The following PIAS2 variants were observed in gnomAD, a reference collection of about 807,000 sequenced individuals.
The protein encoded by PIAS2 is protein inhibitor of activated STAT 2.
A neutral mutation model predicts 69.7 loss-of-function variants in PIAS2; 19 were observed. The observed-to-expected ratio is 0.27, with a 90% confidence interval of 0.19 to 0.40. The LOEUF is 0.40. Among genes scored for constraint, PIAS2 ranks in the 10% least tolerant of loss-of-function variants. The probability of loss-of-function intolerance (pLI) is 1.00; values close to 1 mark genes in which losing one functional copy is unlikely to be tolerated. For synonymous variants in PIAS2, 261 were observed against 263.2 expected (o/e 0.99, Z 0.08); for missense variants, 624 against 757.0 (o/e 0.82, Z 2.06).
chr18:46,894,583 T>C (rs2146048080), intron 1 of PIAS2, among the ~76,000 whole-genome samples: 1 of 152,164 alleles, frequency 6.6e-6, no homozygotes, highest in East Asian at 1.9e-4. Flanking sequence ...ATTAATTGTG[T>C]AAAAAGATAC....
chr18:46,827,026 T>C (rs983013019), intron 11 of PIAS2: 4 of 152,192 alleles, frequency 2.6e-5, no homozygotes, highest in Admixed American at 2.6e-4. Flanking sequence ...ATTCTACTAC[T>C]GAATCATGGT....
rs193250149 is a variant in PIAS2, at chr18:46,833,545, A to T, written c.1202+2812T>A. On this transcript the variant is annotated intron_variant, in intron 9 of 13. Transcript: ENST00000585916. ...CTTATGCCAAAAATGCCTACTTCAT[A>T]AGAGGTTTATTTTTCTCAATTATAC... Among the ~76,000 whole-genome samples, 609 of 152,322 alleles carry T rather than the reference A, an allele frequency of 4.0e-3. 18 individuals are homozygous for T. Among genetic ancestry groups the T allele is most frequent in the Admixed American group, 0.039 (592 of 15,310 alleles).
At chr18:46,818,323 T>C in intron 12 of PIAS2, 2 of 1,447,090 alleles carry the variant, frequency 1.4e-6, no homozygotes, top group South Asian at 3.3e-5. Flanking sequence ...TATTTTTCCT[T>C]GAAATAAGCT....
At position 46,828,030 on chromosome 18, in the gene PIAS2, G is replaced by C; in HGVS notation, c.1437C>G (p.Asp479Glu). 6.2e-7 allele frequency: 1 copy of C among 1,613,464 alleles called. No individual in the cohort carries two copies. The highest frequency in any genetic ancestry group is 1.7e-5 in the Admixed American group (1 of 60,008). Residue 479 changes from aspartate (D) to glutamate (E), a missense_variant, in exon 11 of 14, where the codon GAC becomes GAG. Coordinates refer to ENST00000585916, the MANE Select transcript of PIAS2 (RefSeq NM_004671.5). The stretch of plus-strand genomic sequence containing the variant: ...TTTTGGCAGGAGGGTCTTCCTCTTC[G>C]TCAGAAGAGCTTTCTATTGTAAGAT... ...VIDLTIESSSDEEEDPPAKRK... is the reference protein window; with the variant it reads ...VIDLTIESSSEEEEDPPAKRK...
At chr18:46,917,634 G>T (rs1487544875), upstream of PIAS2, 5 of 829,380 alleles carry the variant, frequency 6.0e-6, no homozygotes, top group African/African-American at 3.7e-5. Flanking sequence ...GCCCGCGCCT[G>T]CCCCGGCGTG....
At chr18:46,834,346 G>C (rs1304728871) in intron 9 of PIAS2, among the ~76,000 whole-genome samples, 1 of 152,088 alleles carries the variant, frequency 6.6e-6, no homozygotes, top group East Asian at 1.9e-4. Flanking sequence ...AGGGAAACTG[G>C]GAAAATACAT....
At chr18:46,819,994 A>G (rs2144784867) in intron 12 of PIAS2, among the ~76,000 whole-genome samples, 1 of 152,264 alleles carries the variant, frequency 6.6e-6, no homozygotes, top group South Asian at 2.1e-4. Context: ...CAGTCAGAAA[A>G]TATCACATGG....
chr18:46,855,103 T>TAA (rs59957336), intron 5 of PIAS2, among the ~76,000 whole-genome samples: 4,640 of 76,290 alleles, frequency 0.061, 352 homozygotes, highest in Non-Finnish European at 0.066. Context: ...CTTGTCTCTT[T>TAA]AAAAAAAAAA....
chr18:46,815,504 A>G (rs2041417267), intron 12 of PIAS2, 155 bp from the exon 13 acceptor site: 2 of 985,220 alleles, frequency 2.0e-6, no homozygotes, highest in African/African-American at 1.7e-5. Flanking sequence ...TGATATTTGA[A>G]GTGTTTAAAA....
intron 3 of PIAS2, among the ~76,000 whole-genome samples, chr18:46,858,783 A>G (rs951134038): frequency 2.6e-4 from 40 of 152,220 alleles, no homozygotes; most frequent in African/African-American, 8.9e-4. Context: ...AAAAATGGTA[A>G]GACTTGATGA....
chr18:46,911,945 C>T (rs1033180451), intron 1 of PIAS2, among the ~76,000 whole-genome samples: 1 of 151,788 alleles, frequency 6.6e-6, no homozygotes, highest in Non-Finnish European at 1.5e-5. Context: ...CAGCTAATCG[C>T]GAGGCTGAGG....
intron 12 of PIAS2, among the ~76,000 whole-genome samples, chr18:46,820,194 T>C (rs1008181703): frequency 6.6e-5 from 10 of 152,136 alleles, no homozygotes; most frequent in African/African-American, 1.9e-4. Flanking sequence ...CAGTACACAG[T>C]GCTTCTGTTC....
rs150922992 is a variant in PIAS2, at chr18:46,849,185, TG to T, written c.727-2345del. ...ACAGAAGCAGGGAGAGTAACACTCA[TG>T]TAAGAATGAAGTGTCAGCAAACTCA... On this transcript the variant is annotated intron_variant, in intron 5 of 13. Coordinates refer to ENST00000585916, the MANE Select transcript of PIAS2 (RefSeq NM_004671.5). 7.5e-3 allele frequency among the ~76,000 whole-genome samples: 1,143 copies of T among 152,308 alleles called. 34 individuals carry two copies. The East Asian group carries it at 0.081, about 11-fold the overall frequency.
chr18:46,846,662 C>T, intron 6 of PIAS2, 45 bp downstream of exon 6: 3 of 1,553,804 alleles, frequency 1.9e-6, no homozygotes, highest in Non-Finnish European at 2.6e-6. Context: ...AAAGTCAACC[C>T]TCAGTGGGGT....
chr18:46,845,019 C>T (rs1331506125), intron 6 of PIAS2, 180 bp from the exon 7 acceptor site: 1 of 376,280 alleles, frequency 2.7e-6, no homozygotes, highest in African/African-American at 2.1e-5. Flanking sequence ...AAAATAAAAG[C>T]TCAATCATTT....
At chr18:46,892,473 AT>A (rs1357197186) in intron 1 of PIAS2, among the ~76,000 whole-genome samples, 1 of 152,146 alleles carries the variant, frequency 6.6e-6, no homozygotes, top group East Asian at 1.9e-4. Flanking sequence ...TAGTAGTCAC[AT>A]TAAAAAAACT....
intron 12 of PIAS2, chr18:46,817,104 CTT>C: frequency 1.1e-6 from 1 of 946,426 alleles, no homozygotes; most frequent in Non-Finnish European, 1.3e-6. Context: ...ACAGTAACTT[CTT>C]ATCTTTTCAG....
chr18:46,817,819 G>A (rs478820), intron 12 of PIAS2: 430,997 of 953,008 alleles, frequency 0.45, 97,792 homozygotes, highest in Middle Eastern at 0.5. Context: ...AACAAAAAAC[G>A]AAACCATCAA....
intron 11 of PIAS2, 55 bp downstream of exon 11, chr18:46,827,904 C>T (rs2043044630): frequency 1.4e-6 from 2 of 1,447,638 alleles, no homozygotes; most frequent in Admixed American, 1.8e-5. Context: ...TAAATCTATC[C>T]AAGAGCAATT....
Sources: allele counts gnomAD v4.1 joint callset (sites outside exome capture counted in the v4.1 genomes callset), GRCh38; gene constraint gnomAD v4.1.1; transcripts MANE v1.5; gene names NCBI Gene and HGNC (gene_info 2026-07-23, HGNC 2026-07-21).